Variants in CHN2 observed in about 807,000 individuals in gnomAD.
CHN2 encodes the protein chimerin 2, also known as beta-chimaerin.
Under a neutral mutation model 56.3 loss-of-function variants are expected in CHN2, and 35 were observed. That is an observed-to-expected ratio of 0.62 (90% CI 0.47 to 0.82). The LOEUF (loss-of-function observed/expected upper bound fraction) is 0.82, where lower values mean the gene tolerates loss of function less well. CHN2 is among the 40% of genes least tolerant of loss of function. The probability of loss-of-function intolerance (pLI) is 0.00; values close to 1 mark genes in which losing one functional copy is unlikely to be tolerated. For synonymous variants in CHN2, 210 were observed against 212.8 expected (o/e 0.99, Z 0.12); for missense variants, 491 against 580.5 (o/e 0.85, Z 1.58).
At chr7:29,176,208 GA>G (rs1234971475) in intron 2 of CHN2, among the ~76,000 whole-genome samples, 1 of 150,402 alleles carries the variant, frequency 6.6e-6, no homozygotes, top group Admixed American at 6.6e-5. Context: ...ACAGATAAAA[GA>G]AAAAAAAGAC....
intron 1 of CHN2, among the ~76,000 whole-genome samples, chr7:29,329,876 A>T (rs1175228836): frequency 6.6e-6 from 1 of 152,208 alleles, no homozygotes; most frequent in Admixed American, 6.5e-5. Flanking sequence ...TTCCTTGAGG[A>T]ATCTAGATGA....
intron 2 of CHN2, among the ~76,000 whole-genome samples, chr7:29,178,453 C>T (rs1389299269): frequency 2.0e-5 from 3 of 152,140 alleles, no homozygotes; most frequent in Non-Finnish European, 2.9e-5. Context: ...ATGCCCAGCT[C>T]GTGTCTGACT....
intron 1 of CHN2, among the ~76,000 whole-genome samples, chr7:29,316,611 T>C (rs1001456715): frequency 2.0e-5 from 3 of 152,240 alleles, no homozygotes; most frequent in African/African-American, 7.2e-5. Context: ...CTATGTGTTA[T>C]GGATCCATGG....
intron 1 of CHN2, among the ~76,000 whole-genome samples, chr7:29,342,489 A>T (rs1394490793): frequency 6.6e-6 from 1 of 152,202 alleles, no homozygotes; most frequent in African/African-American, 2.4e-5. Context: ...GGTTGCTTTA[A>T]TGAGAGGTTT....
At chr7:29,466,080 G>A (rs1010107148) in intron 6 of CHN2, among the ~76,000 whole-genome samples, 2 of 152,086 alleles carry the variant, frequency 1.3e-5, no homozygotes. Context: ...GGGTGCACCT[G>A]TATCCCAGCC....
intron 1 of CHN2, among the ~76,000 whole-genome samples, chr7:29,298,023 T>C (rs974057251): frequency 6.6e-6 from 1 of 152,080 alleles, no homozygotes; most frequent in Non-Finnish European, 1.5e-5. Flanking sequence ...GAAGAGCATC[T>C]TCCTTGCATC....
At chr7:29,326,426 G>C (rs1331679438) in intron 1 of CHN2, among the ~76,000 whole-genome samples, 1 of 152,152 alleles carries the variant, frequency 6.6e-6, no homozygotes, top group Non-Finnish European at 1.5e-5. Flanking sequence ...AAAGTGTTGG[G>C]ATTACAGGTG....
intron 6 of CHN2, among the ~76,000 whole-genome samples, chr7:29,423,427 A>G (rs1468561818): frequency 6.6e-6 from 1 of 152,190 alleles, no homozygotes; most frequent in Non-Finnish European, 1.5e-5. Flanking sequence ...AATTTGGGAC[A>G]AGTCTGAAGG....
At chr7:29,387,904 A>G (rs1000593573) in intron 3 of CHN2, among the ~76,000 whole-genome samples, 2 of 152,194 alleles carry the variant, frequency 1.3e-5, no homozygotes, top group African/African-American at 4.8e-5. Flanking sequence ...TGAAATTCCT[A>G]TTTATTCAGC....
chr7:29,272,977 C>T (rs781135025), intron 1 of CHN2, among the ~76,000 whole-genome samples: 2 of 151,982 alleles, frequency 1.3e-5, no homozygotes, highest in Non-Finnish European at 2.9e-5. Flanking sequence ...AGAAAATTTA[C>T]TTGTTCAACA....
intron 3 of CHN2, 41 bp downstream of exon 3, chr7:29,368,028 A>T: frequency 6.5e-7 from 1 of 1,544,646 alleles, no homozygotes; most frequent in Non-Finnish European, 8.8e-7. Context: ...GTTAAATATG[A>T]TGAATTGTCA....
At chr7:29,340,796 A>G (rs957886056) in intron 1 of CHN2, among the ~76,000 whole-genome samples, 15 of 152,224 alleles carry the variant, frequency 9.9e-5, no homozygotes, top group Admixed American at 2.6e-4. Context: ...TATATGGGAC[A>G]TGTAGGTAAT....
At chr7:29,224,775 AT>A (rs1026912488) in intron 1 of CHN2, among the ~76,000 whole-genome samples, 48 of 152,270 alleles carry the variant, frequency 3.2e-4, no homozygotes, top group African/African-American at 1.1e-3. Flanking sequence ...AACATGTTAT[AT>A]TTTTTCATAT....
chr7:29,277,537 A>G (rs1481191073), intron 1 of CHN2, among the ~76,000 whole-genome samples: 5 of 152,240 alleles, frequency 3.3e-5, no homozygotes, highest in Non-Finnish European at 7.3e-5. Context: ...ACCAGGAGCT[A>G]CAGTTGTATT....
intron 6 of CHN2, among the ~76,000 whole-genome samples, chr7:29,444,555 G>A (rs539550915): frequency 1.8e-4 from 27 of 152,286 alleles, no homozygotes; most frequent in African/African-American, 5.8e-4. Context: ...CTCTCTCCAC[G>A]TGACTTCTGT....
intron 1 of CHN2, among the ~76,000 whole-genome samples, chr7:29,257,935 G>A (rs188014348): frequency 4.6e-4 from 70 of 151,982 alleles, no homozygotes; most frequent in African/African-American, 1.5e-3. Flanking sequence ...CTACAGGCAC[G>A]TGCCACCACC....
At chr7:29,479,892 C>T in intron 6 of CHN2, 1 of 1,414,132 alleles carries the variant, frequency 7.1e-7, no homozygotes, top group Non-Finnish European at 9.2e-7. Flanking sequence ...GCACGTCGGC[C>T]TTAAGAAATA....
intron 1 of CHN2, among the ~76,000 whole-genome samples, chr7:29,221,647 G>T (rs1186315372): frequency 6.6e-6 from 1 of 152,112 alleles, no homozygotes; most frequent in Non-Finnish European, 1.5e-5. Context: ...CCAGTGTGTT[G>T]TTCCCCACAT....
intron 1 of CHN2, chr7:29,289,095 C>G (rs1792374700): frequency 6.6e-6 from 1 of 152,234 alleles, no homozygotes; most frequent in Non-Finnish European, 1.5e-5. Flanking sequence ...GCCTACCAAC[C>G]CGCACCAACG....
Sources: allele counts gnomAD v4.1 joint callset (sites outside exome capture counted in the v4.1 genomes callset), GRCh38; gene constraint gnomAD v4.1.1; transcripts MANE v1.5; gene names NCBI Gene and HGNC (gene_info 2026-07-23, HGNC 2026-07-21).